SNX9: variants seen among roughly 807,000 people sequenced by gnomAD.
SNX9 encodes the protein sorting nexin-9.
A neutral mutation model predicts 89.4 loss-of-function variants in SNX9; 44 were observed. The observed-to-expected ratio is 0.49, with a 90% CI of 0.39 to 0.63. SNX9 has a LOEUF of 0.63. Among genes scored for constraint, SNX9 ranks in the 30% least tolerant of loss-of-function variants. The pLI, the probability that SNX9 is intolerant of heterozygous loss-of-function variation, is 0.00. For synonymous variants in SNX9, 236 were observed against 247.8 expected, an observed-to-expected ratio of 0.95 and a Z score of 0.45; for missense variants, 578 against 736.1, an observed-to-expected ratio of 0.79 and a Z score of 2.49.
Position 157,896,885 on chromosome 6 carries a change from A to G in SNX9, c.359A>G (p.Glu120Gly), listed in dbSNP as rs770024757. The stretch of plus-strand genomic sequence containing the variant: ...AGTGCCTCCAAATCTGGGAACTGGG[A>G]AAGCTCAGAAGGCTGGGGGGCCCAG... ...AWSASKSGNW[E>G]SSEGWGAQPE... is the part of the protein sequence containing the mutation. The change falls in exon 5 of 18, where the codon GAA (glutamate) becomes GGA (glycine). Residue 120 changes from glutamate (E) to glycine (G), a missense_variant. By Grantham distance (98) the Glu-to-Gly change is moderately conservative. This residue lies in a region of SNX9 where 230 missense variants were observed against 244.7 expected (regional missense o/e 0.94). Transcript: ENST00000392185. 1.9e-6 allele frequency: 3 copies of G among 1,613,402 alleles called. No homozygotes were observed. The African/African-American group carries it at 4.0e-5, about 22-fold the overall frequency.
chr6:157,918,555 C>A (rs1040602854), intron 9 of SNX9, among the ~76,000 whole-genome samples: 1 of 152,118 alleles, frequency 6.6e-6, no homozygotes, highest in African/African-American at 2.4e-5. Flanking sequence ...TCAAGTCTGA[C>A]AATCTCTGCT....
chr6:157,852,940 T>C (rs1485106376), intron 1 of SNX9, among the ~76,000 whole-genome samples: 1 of 152,192 alleles, frequency 6.6e-6, no homozygotes, highest in Non-Finnish European at 1.5e-5. Flanking sequence ...TGTTATTGTT[T>C]TAAAAGTCAG....
rs565518115 is a variant in SNX9 at position 157,899,904 on chromosome 6, T to TGTGTGC, written c.473-1993_473-1992insTGTGCG. On this transcript the variant is annotated intron_variant, in intron 5 of 17. Coordinates refer to ENST00000392185, the MANE Select transcript of SNX9 (RefSeq NM_016224.5). ...ACATGATTACCTAAGTGTGTGTGTGTGCGCGTGTATATGTGCAAGTGCGTG... is the reference window on the plus strand; with the variant it reads ...ACATGATTACCTAAGTGTGTGTGTGTGTGTGCGCGCGTGTATATGTGCAAGTGCGTG... Among the ~76,000 whole-genome samples, 18 of 152,170 alleles carry TGTGTGC rather than the reference T, an allele frequency of 1.2e-4. 1 individual carries two copies. The highest frequency in any genetic ancestry group is 4.1e-4 in the African/African-American group (17 of 41,494).
At chr6:157,894,208 C>G (rs576312869) in intron 4 of SNX9, among the ~76,000 whole-genome samples, 98 of 141,818 alleles carry the variant, frequency 6.9e-4, no homozygotes, top group African/African-American at 2.5e-3. Flanking sequence ...CTCCTGGATT[C>G]AAGCAATTCT....
chr6:157,841,419 G>C (rs1781700427), intron 1 of SNX9, among the ~76,000 whole-genome samples: 1 of 152,190 alleles, frequency 6.6e-6, no homozygotes, highest in South Asian at 2.1e-4. Flanking sequence ...TGGTCAGGGA[G>C]CTTGAAGGTC....
At chr6:157,922,795 T>C (rs951768744) in intron 10 of SNX9, among the ~76,000 whole-genome samples, 1 of 152,254 alleles carries the variant, frequency 6.6e-6, no homozygotes, top group Non-Finnish European at 1.5e-5. Flanking sequence ...AATTTGTATA[T>C]GTTTATGGTG....
intron 4 of SNX9, chr6:157,885,443 A>C (rs145750940): frequency 6.6e-6 from 1 of 152,312 alleles, no homozygotes; most frequent in East Asian, 1.9e-4. Flanking sequence ...TTTTGAGCTA[A>C]AGTGGTTAGA....
chr6:157,857,391 G>A (rs1782033398), intron 1 of SNX9, among the ~76,000 whole-genome samples: 1 of 151,928 alleles, frequency 6.6e-6, no homozygotes, highest in Non-Finnish European at 1.5e-5. Flanking sequence ...AAGTAAATCT[G>A]GTTCCTTTTA....
chr6:157,875,293 C>T (rs1782497282), intron 4 of SNX9, 117 bp downstream of exon 4: 2 of 1,364,318 alleles, frequency 1.5e-6, no homozygotes, highest in African/African-American at 2.9e-5. Context: ...AACAAAGTCG[C>T]TTTTAGGTTG....
intron 5 of SNX9, among the ~76,000 whole-genome samples, chr6:157,901,029 C>T (rs1356633467): frequency 6.6e-6 from 1 of 151,796 alleles, no homozygotes; most frequent in Non-Finnish European, 1.5e-5. Flanking sequence ...TTACAAGGGT[C>T]ACTTTCCATT....
chr6:157,835,103 C>G (rs1389719623), intron 1 of SNX9, among the ~76,000 whole-genome samples: 4 of 152,106 alleles, frequency 2.6e-5, no homozygotes, highest in African/African-American at 4.8e-5. Context: ...ACCTCCACCT[C>G]CTGGGTTCAA....
intron 1 of SNX9, chr6:157,829,222 G>A (rs1263921809): frequency 6.6e-6 from 1 of 152,024 alleles, no homozygotes; most frequent in East Asian, 1.9e-4. Flanking sequence ...AAGGTAGTTG[G>A]AACAAGCTTC....
intron 1 of SNX9, among the ~76,000 whole-genome samples, chr6:157,848,709 G>T (rs573061818): frequency 2.7e-4 from 41 of 152,356 alleles, no homozygotes; most frequent in African/African-American, 9.4e-4. Flanking sequence ...GTGCTGAGCA[G>T]GACTGACAGG....
At chr6:157,884,088 G>C (rs16900486) in intron 4 of SNX9, among the ~76,000 whole-genome samples, 1,741 of 152,238 alleles carry the variant, frequency 0.011, 39 homozygotes, top group African/African-American at 0.04. Context: ...ACCGACCACA[G>C]GCCTAGGAGC....
At chr6:157,932,340 C>A (rs1211126125) in intron 13 of SNX9, 68 bp downstream of exon 13, 3 of 1,388,536 alleles carry the variant, frequency 2.2e-6, no homozygotes, top group African/African-American at 2.8e-5. Flanking sequence ...TGCTTAGGAT[C>A]CTGCAGACGC....
chr6:157,924,327 G>A (rs944235008), intron 10 of SNX9: 9 of 152,316 alleles, frequency 5.9e-5, no homozygotes, highest in African/African-American at 1.7e-4. Context: ...GGGAGCAGTG[G>A]TGCCTGGGCA....
intron 12 of SNX9, 74 bp downstream of exon 12, chr6:157,928,776 A>G: frequency 8.6e-7 from 1 of 1,162,960 alleles, no homozygotes. Flanking sequence ...CTTATCATAG[A>G]GGGGAACCTG....
At chr6:157,859,447 T>C (rs1782075016) in intron 1 of SNX9, among the ~76,000 whole-genome samples, 1 of 152,230 alleles carries the variant, frequency 6.6e-6, no homozygotes, top group South Asian at 2.1e-4. Context: ...CTGTATAATA[T>C]TCCATTTTGA....
At position 157,909,947 on chromosome 6, in the gene SNX9, G is replaced by T. The variant is rs1783304169; in HGVS notation, c.871G>T (p.Asp291Tyr). ...RSVNHRYKHF[D>Y]WLYERLLVKF... ...TGTAAACCACAGGTATAAGCACTTT[G>T]ACTGGTTATATGAGCGTCTCCTGGT... Residue 291 changes from aspartate (D) to tyrosine (Y), a missense_variant, in exon 9 of 18, where the codon GAC becomes TAC. Asp to Tyr is a radical substitution (Grantham distance 160, BLOSUM62 -3). Around this residue, in one of 2 missense-constraint regions of SNX9, gnomAD observed 348 missense variants for 491.4 expected, o/e 0.71. Coordinates refer to ENST00000392185, the MANE Select transcript of SNX9 (RefSeq NM_016224.5). The T allele has an allele frequency of 1.2e-6, 2 of 1,614,082 alleles. No homozygotes were observed. Among genetic ancestry groups the T allele is most frequent in the South Asian group, 2.2e-5 (2 of 91,046 alleles).
Sources: allele counts gnomAD v4.1 joint callset (sites outside exome capture counted in the v4.1 genomes callset), GRCh38; gene constraint gnomAD v4.1.1; regional missense constraint gnomAD v4.1.1; transcripts MANE v1.5; gene names NCBI Gene and HGNC (gene_info 2026-07-23, HGNC 2026-07-21).